The following SMYD3 variants were observed in gnomAD, a reference collection of about 807,000 sequenced individuals.
SMYD3 encodes the protein SET and MYND domain containing 3.
SMYD3 carries 36 observed loss-of-function variants against 57.7 expected under a neutral mutation model. The observed-to-expected ratio is 0.62, with a 90% CI of 0.48 to 0.82. SMYD3 has a LOEUF of 0.82. Ranked by LOEUF, SMYD3 falls within the 40% of genes least tolerant of loss-of-function variation. The pLI, the probability that SMYD3 is intolerant of heterozygous loss-of-function variation, is 0.00. For synonymous variants in SMYD3, 211 were observed against 195.0 expected, an observed-to-expected ratio of 1.08 and a Z score of -0.68; for missense variants, 515 against 538.8, an observed-to-expected ratio of 0.96 and a Z score of 0.44.
At chr1:246,362,922 C>T (rs1247833610) in intron 1 of SMYD3, among the ~76,000 whole-genome samples, 1 of 149,886 alleles carries the variant, frequency 6.7e-6, no homozygotes, top group Non-Finnish European at 1.5e-5. Flanking sequence ...CCTGGCCGCC[C>T]ATCGTCTGGG....
chr1:245,891,706 G>A (rs1002959737), intron 8 of SMYD3, among the ~76,000 whole-genome samples: 2 of 150,338 alleles, frequency 1.3e-5, no homozygotes, highest in African/African-American at 2.5e-5. Flanking sequence ...GAGAGCCCAG[G>A]TTAGGAAGTG....
At chr1:245,966,554 A>G (rs1443497923) in intron 5 of SMYD3, among the ~76,000 whole-genome samples, 1 of 152,230 alleles carries the variant, frequency 6.6e-6, no homozygotes. Flanking sequence ...ATAAATCAAC[A>G]AAAGTTCTCC....
chr1:246,368,815 C>G (rs2066147697), intron 1 of SMYD3, among the ~76,000 whole-genome samples: 1 of 152,186 alleles, frequency 6.6e-6, no homozygotes, highest in Non-Finnish European at 1.5e-5. Flanking sequence ...TTCTCCCATG[C>G]TGGATGCTTC....
intron 10 of SMYD3, among the ~76,000 whole-genome samples, chr1:245,813,949 T>A (rs4314851): frequency 0.11 from 16,278 of 151,422 alleles, 1,160 homozygotes; most frequent in East Asian, 0.2. Context: ...TTCATTGTAG[T>A]TGCTTTTAGG....
chr1:245,774,435 G>A (rs2046458482), intron 10 of SMYD3, among the ~76,000 whole-genome samples: 2 of 152,124 alleles, frequency 1.3e-5, no homozygotes. Flanking sequence ...CATGTTCTGA[G>A]GAAAACAAAC....
At chr1:245,912,585 A>T (rs953873029) in intron 8 of SMYD3, among the ~76,000 whole-genome samples, 2 of 152,204 alleles carry the variant, frequency 1.3e-5, no homozygotes, top group Non-Finnish European at 2.9e-5. Flanking sequence ...TGGAGGTATC[A>T]CACTACCTAA....
chr1:246,285,680 AG>A (rs2064545871), intron 5 of SMYD3, among the ~76,000 whole-genome samples: 1 of 151,986 alleles, frequency 6.6e-6, no homozygotes, highest in Non-Finnish European at 1.5e-5. Context: ...GCATGGCAAA[AG>A]GAACAGTCAG....
chr1:246,355,241 A>T lies in SMYD3; in HGVS notation c.165-147T>A. The T allele has an allele frequency of 1.4e-6, 1 of 709,184 alleles. No homozygotes were observed. The highest frequency in any genetic ancestry group is 2.4e-6 in the Non-Finnish European group (1 of 419,288). 43.9% of individuals were successfully genotyped at this position (709,184 alleles called of 1,614,324 possible). A position where few individuals can be genotyped will look rare whatever the true frequency, so the allele number is the denominator to read the frequency against. On this transcript the variant is annotated intron_variant, in intron 1 of 11. Transcript: ENST00000490107. This position sits in a 1 kb window ranked among gnomAD's most constrained non-coding sequence, Gnocchi z 5.0. Reference sequence around the variant, plus strand: ...AGTCCCTTAAGATTTGGATTTTCACACTGATGAGCCTCCTCTTGAACCTTC... The same window carrying T: ...AGTCCCTTAAGATTTGGATTTTCACTCTGATGAGCCTCCTCTTGAACCTTC...
At chr1:245,939,873 G>C (rs1252905339) in intron 5 of SMYD3, among the ~76,000 whole-genome samples, 1 of 152,134 alleles carries the variant, frequency 6.6e-6, no homozygotes, top group African/African-American at 2.4e-5. Flanking sequence ...AGAACGGTTC[G>C]AAAGTCTTTT....
chr1:246,096,648 C>G (rs1189209273), intron 5 of SMYD3, among the ~76,000 whole-genome samples: 1 of 152,166 alleles, frequency 6.6e-6, no homozygotes, highest in Non-Finnish European at 1.5e-5. Context: ...AAAGACCTAA[C>G]TAGAATACAT....
intron 10 of SMYD3, among the ~76,000 whole-genome samples, chr1:245,834,573 C>T (rs1184426252): frequency 6.6e-6 from 1 of 152,210 alleles, no homozygotes; most frequent in African/African-American, 2.4e-5. Context: ...CTGAGGAACA[C>T]TGTAGTGGCA....
At chr1:246,351,464 A>C (rs902938796) in intron 2 of SMYD3, among the ~76,000 whole-genome samples, 1 of 152,184 alleles carries the variant, frequency 6.6e-6, no homozygotes, top group African/African-American at 2.4e-5. Flanking sequence ...TGATCTCATA[A>C]TCATGTGTGA....
intron 1 of SMYD3, among the ~76,000 whole-genome samples, chr1:246,479,578 G>A (rs61839819): frequency 0.21 from 30,022 of 141,986 alleles, 3,183 homozygotes; most frequent in Middle Eastern, 0.36. Flanking sequence ...CGCAATCTCA[G>A]CTCATTGCAA....
intron 5 of SMYD3, among the ~76,000 whole-genome samples, chr1:246,255,927 A>AAGAC (rs1553320431): frequency 8.2e-6 from 1 of 121,242 alleles, no homozygotes; most frequent in Admixed American, 8.8e-5. Flanking sequence ...CATAACTAAT[A>AAGAC]AGATAGATAG....
chr1:246,491,102 G>A (rs2068262587), intron 1 of SMYD3, among the ~76,000 whole-genome samples: 1 of 152,164 alleles, frequency 6.6e-6, no homozygotes, highest in Non-Finnish European at 1.5e-5. Context: ...GATAAGACAA[G>A]GGAAAGCACC....
intron 5 of SMYD3, among the ~76,000 whole-genome samples, chr1:246,105,808 C>T (rs1356558017): frequency 1.3e-5 from 2 of 152,182 alleles, no homozygotes; most frequent in Admixed American, 1.3e-4. Context: ...TGGGCACTGC[C>T]ATGCCAACGT....
intron 1 of SMYD3, among the ~76,000 whole-genome samples, chr1:246,374,128 G>A (rs1017020419): frequency 2.0e-5 from 3 of 152,040 alleles, no homozygotes; most frequent in Non-Finnish European, 4.4e-5. Context: ...CCAGAGCCGG[G>A]GAATAAATCA....
intron 1 of SMYD3, 44 bp downstream of exon 1, chr1:246,507,010 C>CCCCCCCCCCCCCCCCCCA: frequency 7.3e-7 from 1 of 1,371,742 alleles, no homozygotes; most frequent in Non-Finnish European, 9.7e-7. Flanking sequence ...CCCAGCACCC[C>CCCCCCCCCCCCCCCCCCA]ACACAGCTCG....
chr1:246,235,264 C>T (rs768649424), intron 5 of SMYD3, among the ~76,000 whole-genome samples: 1 of 152,178 alleles, frequency 6.6e-6, no homozygotes, highest in African/African-American at 2.4e-5. Flanking sequence ...TCTCACCTAA[C>T]CTCCCTATAT....
Sources: gnomAD v4.1 joint callset for allele counts (sites outside exome capture counted in the v4.1 genomes callset) on GRCh38, gnomAD v4.1.1 for gene constraint, Gnocchi (gnomAD v3.1) non-coding constraint, MANE v1.5 for transcripts, NCBI Gene and HGNC (gene_info 2026-07-23, HGNC 2026-07-21) for gene names.